Variants in KHDRBS2 observed in about 807,000 individuals in gnomAD.
The protein encoded by KHDRBS2 is KH domain-containing, RNA-binding, signal transduction-associated protein 2.
Under a neutral mutation model 44.3 loss-of-function variants are expected in KHDRBS2, and 26 were observed. That is an observed-to-expected ratio of 0.59 (90% CI 0.43 to 0.81). The LOEUF (loss-of-function observed/expected upper bound fraction) is 0.81, where lower values mean the gene tolerates loss of function less well. KHDRBS2 is among the 40% of genes least tolerant of loss of function. The probability of loss-of-function intolerance (pLI) is 0.00; values close to 1 mark genes in which losing one functional copy is unlikely to be tolerated. For missense variants in KHDRBS2, 476 were observed against 433.1 expected, an observed-to-expected ratio of 1.10 and a Z score of -0.88; for synonymous variants, 194 against 151.1, an observed-to-expected ratio of 1.28 and a Z score of -2.08.
chr6:62,111,853 G>A lies in KHDRBS2; in HGVS notation c.220-63859C>T, dbSNP rs186528038. On this transcript the variant is annotated intron_variant, in intron 2 of 8. Coordinates refer to ENST00000281156, the MANE Select transcript of KHDRBS2 (RefSeq NM_152688.4). ...GCTGTGATCATACCATTGAACTCCC[G>A]CCTAGGTGACAGATTGAGACCCTGT... Among the ~76,000 whole-genome samples the A allele has an allele frequency of 2.2e-3, 328 of 152,100 alleles. 1 individual carries two copies. The highest frequency in any genetic ancestry group is 7.4e-3 in the African/African-American group (306 of 41,496).
intron 3 of KHDRBS2, among the ~76,000 whole-genome samples, chr6:61,993,378 A>T (rs60060002): frequency 0.013 from 2,040 of 152,102 alleles, 39 homozygotes; most frequent in African/African-American, 0.046. Flanking sequence ...GCATATTGAG[A>T]TGCTACATAA....
At chr6:61,631,343 T>G in the KHDRBS2 span, among the ~76,000 whole-genome samples, 2 of 83,340 alleles carry the variant, frequency 2.4e-5, no homozygotes, top group African/African-American at 8.4e-5. Context: ...AAAAAGACAA[T>G]ACAGTGTGTT....
the KHDRBS2 span, among the ~76,000 whole-genome samples, chr6:61,668,321 A>G: frequency 6.6e-6 from 1 of 151,096 alleles, no homozygotes; most frequent in African/African-American, 2.4e-5. Context: ...ATAATTTTCT[A>G]AAAATACAAA....
chr6:61,974,016 T>C (rs1771972552), intron 4 of KHDRBS2, among the ~76,000 whole-genome samples: 1 of 152,196 alleles, frequency 6.6e-6, no homozygotes, highest in Non-Finnish European at 1.5e-5. Context: ...AAAGAATATA[T>C]AAACACACAA....
chr6:61,796,660 A>T (rs1785399084), intron 6 of KHDRBS2, among the ~76,000 whole-genome samples: 1 of 152,144 alleles, frequency 6.6e-6, no homozygotes, highest in Non-Finnish European at 1.5e-5. Flanking sequence ...AAAAAATTTG[A>T]AAAAAGTATT....
intron 7 of KHDRBS2, among the ~76,000 whole-genome samples, chr6:61,732,208 T>C (rs1177088773): frequency 2.0e-5 from 3 of 152,112 alleles, no homozygotes; most frequent in African/African-American, 4.8e-5. Context: ...TAACGAGATA[T>C]ATTCAACAAT....
chr6:61,926,015 G>T (rs1044038663), intron 4 of KHDRBS2, among the ~76,000 whole-genome samples: 1 of 152,070 alleles, frequency 6.6e-6, no homozygotes. Context: ...GAGATAAAAT[G>T]TATGTCTATC....
intron 6 of KHDRBS2, among the ~76,000 whole-genome samples, chr6:61,813,423 G>T (rs1278816234): frequency 1.3e-5 from 2 of 152,180 alleles, no homozygotes; most frequent in Admixed American, 6.6e-5. Context: ...TCACCAGGGA[G>T]ACCATTGAAT....
chr6:61,580,640 C>T, the KHDRBS2 span, among the ~76,000 whole-genome samples: 1 of 152,068 alleles, frequency 6.6e-6, no homozygotes, highest in South Asian at 2.1e-4. Flanking sequence ...CTGGGACAAA[C>T]AAACAACTCC....
In KHDRBS2 at chr6:61,707,897, T is replaced by C. The variant is rs1375347396; in HGVS notation, c.894-10644A>G. 2.0e-5 allele frequency among the ~76,000 whole-genome samples: 3 copies of C among 151,800 alleles called. No individual in the cohort carries two copies. The South Asian group carries it at 6.2e-4, about 31-fold the overall frequency. On this transcript the variant is annotated intron_variant, in intron 7 of 8. Coordinates refer to ENST00000281156, the MANE Select transcript of KHDRBS2 (RefSeq NM_152688.4). ...ATACGTAACTGCTATTATGAGTTAA[T>C]TCCTATAGAGTTAAAAATTCTTAAA... is the stretch of plus-strand genomic sequence containing the variant.
chr6:61,874,044 C>A (rs1799047676), intron 6 of KHDRBS2, among the ~76,000 whole-genome samples: 1 of 151,930 alleles, frequency 6.6e-6, no homozygotes, highest in Admixed American at 6.6e-5. Flanking sequence ...ATATATAATT[C>A]TTCACATTAA....
chr6:62,278,963 G>C (rs1256218350), intron 1 of KHDRBS2, among the ~76,000 whole-genome samples: 2 of 151,992 alleles, frequency 1.3e-5, no homozygotes, highest in Non-Finnish European at 2.9e-5. Context: ...GCGTGGTGGC[G>C]GGTGCCTGTA....
At chr6:61,986,392 C>A (rs1775058521) in intron 3 of KHDRBS2, among the ~76,000 whole-genome samples, 1 of 152,020 alleles carries the variant, frequency 6.6e-6, no homozygotes. Flanking sequence ...AATATAATTA[C>A]AAAAGTTTCC....
At chr6:61,989,541 G>A (rs1284324693) in intron 3 of KHDRBS2, among the ~76,000 whole-genome samples, 1 of 151,982 alleles carries the variant, frequency 6.6e-6, no homozygotes, top group East Asian at 1.9e-4. Context: ...ATATGTAATG[G>A]GTTGTATCTG....
chr6:62,132,376 A>C (rs1810527653), intron 2 of KHDRBS2, among the ~76,000 whole-genome samples: 1 of 152,184 alleles, frequency 6.6e-6, no homozygotes, highest in Non-Finnish European at 1.5e-5. Context: ...CCAAGCACCC[A>C]AATCATTACC....
chr6:62,001,850 C>T (rs1778296129), intron 3 of KHDRBS2, among the ~76,000 whole-genome samples: 1 of 152,090 alleles, frequency 6.6e-6, no homozygotes, highest in Non-Finnish European at 1.5e-5. Flanking sequence ...GTGCTTACTA[C>T]TGACACATCT....
At chr6:62,249,038 GA>G (rs1230462705) in intron 1 of KHDRBS2, among the ~76,000 whole-genome samples, 1 of 152,066 alleles carries the variant, frequency 6.6e-6, no homozygotes, top group Non-Finnish European at 1.5e-5. Context: ...AATGTCTGTG[GA>G]AAAGTAATGA....
At position 62,284,608 on chromosome 6, in the gene KHDRBS2, C is replaced by T. The variant is rs73758531; in HGVS notation, c.91+1250G>A. Among the ~76,000 whole-genome samples, 1,271 of 151,992 alleles carry T rather than the reference C, an allele frequency of 8.4e-3. 14 individuals carry two copies. Among genetic ancestry groups the T allele is most frequent in the African/African-American group, 0.028 (1,167 of 41,476 alleles). On this transcript the variant is annotated intron_variant, in intron 1 of 8. Transcript: ENST00000281156. ...TAGGCATAATTGTATTTCACCTTCC[C>T]ACTTATCTATAAAACTAGCTTTTTC... is the stretch of plus-strand genomic sequence containing the variant.
At chr6:61,819,833 T>C (rs1473759791) in intron 6 of KHDRBS2, among the ~76,000 whole-genome samples, 1 of 151,950 alleles carries the variant, frequency 6.6e-6, no homozygotes, top group Non-Finnish European at 1.5e-5. Flanking sequence ...TGAAACCAAC[T>C]GATAAGAATA....
Sources: gnomAD v4.1 joint callset for allele counts (sites outside exome capture counted in the v4.1 genomes callset) on GRCh38, gnomAD v4.1.1 for gene constraint, MANE v1.5 for transcripts, NCBI Gene and HGNC (gene_info 2026-07-23, HGNC 2026-07-21) for gene names.